Variants in SEMA6D observed in about 807,000 individuals in gnomAD.
SEMA6D encodes semaphorin-6D.
SEMA6D carries 35 observed loss-of-function variants against 106.6 expected under a neutral mutation model. The ratio of observed to expected loss-of-function variants is 0.33; its 90% CI spans 0.25 to 0.44. SEMA6D has a LOEUF of 0.44. SEMA6D is among the 20% of genes least tolerant of loss of function. The pLI, the probability that SEMA6D is intolerant of heterozygous loss-of-function variation, is 1.00. For missense variants in SEMA6D, 1,185 were observed against 1,345.9 expected, an observed-to-expected ratio of 0.88 and a Z score of 1.87; for synonymous variants, 499 against 487.7, an observed-to-expected ratio of 1.02 and a Z score of -0.31.
In SEMA6D at chr15:47,590,975, C is replaced by T. The variant is rs535879273; in HGVS notation, c.-86-9890C>T. 2.0e-5 allele frequency among the ~76,000 whole-genome samples: 3 copies of T among 152,292 alleles called. No homozygotes were observed. In the South Asian group the frequency reaches 6.2e-4, roughly 32 times the overall value. Reference sequence around the variant, plus strand: ...AATTGCAATGAGATCTTGACATGGGCTGGAATTAACTTGTCTTAGTCCATT... The same window carrying T: ...AATTGCAATGAGATCTTGACATGGGTTGGAATTAACTTGTCTTAGTCCATT... On this transcript the variant is annotated intron_variant, in intron 3 of 19. Coordinates refer to the SEMA6D transcript ENST00000558014.
intron 3 of SEMA6D, among the ~76,000 whole-genome samples, chr15:47,475,234 C>T (rs756814570): frequency 7.2e-5 from 11 of 152,116 alleles, no homozygotes; most frequent in East Asian, 1.9e-4. Flanking sequence ...GCAATATATT[C>T]GAGCCCTGTT....
chr15:47,282,251 T>C (rs929196638), intron 1 of SEMA6D, among the ~76,000 whole-genome samples: 2 of 152,288 alleles, frequency 1.3e-5, no homozygotes, highest in East Asian at 3.9e-4. Flanking sequence ...ATAACCACTT[T>C]AATGACTTCT....
intron 3 of SEMA6D, among the ~76,000 whole-genome samples, chr15:47,588,161 G>A (rs1372536443): frequency 6.6e-6 from 1 of 152,118 alleles, no homozygotes; most frequent in African/African-American, 2.4e-5. Context: ...GAGTTGGCCA[G>A]CCCAGAGGAT....
chr15:47,759,514 T>G (rs1324196541), intron 1 of SEMA6D, among the ~76,000 whole-genome samples: 1 of 152,120 alleles, frequency 6.6e-6, no homozygotes, highest in Non-Finnish European at 1.5e-5. Flanking sequence ...CCTCCAAAAT[T>G]CTCGTGAATT....
chr15:47,354,584 CAT>C (rs1567021278), intron 1 of SEMA6D, among the ~76,000 whole-genome samples: 2 of 150,664 alleles, frequency 1.3e-5, no homozygotes, highest in South Asian at 2.1e-4. Flanking sequence ...TATACACACA[CAT>C]ATATATGTAT....
chr15:47,215,520 A>C (rs1273632702), intron 1 of SEMA6D, among the ~76,000 whole-genome samples: 1 of 152,184 alleles, frequency 6.6e-6, no homozygotes, highest in African/African-American at 2.4e-5. Context: ...GCTCATATAT[A>C]TTTACAAGAA....
chr15:47,530,382 A>G (rs1403957017), intron 3 of SEMA6D, among the ~76,000 whole-genome samples: 3 of 152,180 alleles, frequency 2.0e-5, no homozygotes, highest in African/African-American at 7.2e-5. Flanking sequence ...AATACCACAT[A>G]CTGGAATTTA....
intron 3 of SEMA6D, among the ~76,000 whole-genome samples, chr15:47,543,387 T>A (rs1014659449): frequency 6.6e-6 from 1 of 152,144 alleles, no homozygotes; most frequent in Non-Finnish European, 1.5e-5. Context: ...AAAGATCTGA[T>A]GGTTTTATAA....
chr15:47,744,556 C>T (rs2081011153), intron 1 of SEMA6D, among the ~76,000 whole-genome samples: 1 of 152,120 alleles, frequency 6.6e-6, no homozygotes, highest in African/African-American at 2.4e-5. Flanking sequence ...TTCCCAAGGA[C>T]ACATGGTTGT....
chr15:47,478,451 G>A (rs1452902461), intron 3 of SEMA6D, among the ~76,000 whole-genome samples: 2 of 152,176 alleles, frequency 1.3e-5, no homozygotes, highest in South Asian at 2.1e-4. Context: ...TAAAGTTCTT[G>A]TCTGCGTGGT....
chr15:47,721,811 T>C (rs2079438712), intron 1 of SEMA6D, among the ~76,000 whole-genome samples: 1 of 152,104 alleles, frequency 6.6e-6, no homozygotes, highest in African/African-American at 2.4e-5. Flanking sequence ...TCACCCAGAT[T>C]AGCATTTTAA....
chr15:47,257,349 A>T (rs923786862), intron 1 of SEMA6D, among the ~76,000 whole-genome samples: 1 of 152,146 alleles, frequency 6.6e-6, no homozygotes, highest in African/African-American at 2.4e-5. Flanking sequence ...GAGCCACTGC[A>T]CCCGACCAAT....
At position 47,229,465 on chromosome 15, in the gene SEMA6D, C is replaced by T. The variant is rs2032035512; in HGVS notation, c.-239+45047C>T. Among the ~76,000 whole-genome samples, 3 of 151,934 alleles carry T rather than the reference C, an allele frequency of 2.0e-5. No homozygotes were observed. The South Asian group carries it at 6.2e-4, about 32-fold the overall frequency. The stretch of plus-strand genomic sequence containing the variant: ...TTGACAAAGGTCAGTAATTGTGCCC[C>T]AAGATGCCTTGTGCTATACAGGTTG... On this transcript the variant is annotated intron_variant, in intron 1 of 19. Transcript: ENST00000558014.
At chr15:47,382,690 G>T (rs766107632) in intron 1 of SEMA6D, among the ~76,000 whole-genome samples, 41 of 152,216 alleles carry the variant, frequency 2.7e-4, no homozygotes, top group Non-Finnish European at 4.7e-4. Context: ...AAGCCTACTA[G>T]TTGAAACAAG....
chr15:47,264,086 A>C (rs549116970), intron 1 of SEMA6D, among the ~76,000 whole-genome samples: 8 of 152,078 alleles, frequency 5.3e-5, no homozygotes, highest in African/African-American at 1.9e-4. Flanking sequence ...TTAACAACCT[A>C]ACACAGAAAC....
intron 1 of SEMA6D, among the ~76,000 whole-genome samples, chr15:47,721,678 C>T (rs575392177): frequency 4.6e-5 from 7 of 152,144 alleles, no homozygotes; most frequent in South Asian, 2.1e-4. Flanking sequence ...AACTACTAGA[C>T]GTTCTTACTT....
chr15:47,634,744 A>G (rs139077017), intron 4 of SEMA6D, among the ~76,000 whole-genome samples: 38 of 146,444 alleles, frequency 2.6e-4, no homozygotes, highest in Admixed American at 2.3e-3. Flanking sequence ...TCTGTCAGGC[A>G]GGGAATAGAA....
chr15:47,642,037 G>A (rs982292775), intron 4 of SEMA6D, among the ~76,000 whole-genome samples: 2 of 152,090 alleles, frequency 1.3e-5, no homozygotes, highest in South Asian at 2.1e-4. Flanking sequence ...GTAGCCACTC[G>A]GTAAATGTTT....
At chr15:47,507,735 G>A (rs1256343249) in intron 3 of SEMA6D, among the ~76,000 whole-genome samples, 2 of 152,126 alleles carry the variant, frequency 1.3e-5, no homozygotes, top group African/African-American at 4.8e-5. Context: ...CAGACAGATG[G>A]TAAACATTAC....
Sources: allele counts gnomAD v4.1 joint callset (sites outside exome capture counted in the v4.1 genomes callset), GRCh38; gene constraint gnomAD v4.1.1; transcripts MANE v1.5; gene names NCBI Gene and HGNC (gene_info 2026-07-23, HGNC 2026-07-21).